Variants in CYFIP2 observed in about 807,000 individuals in gnomAD.
The protein encoded by CYFIP2 is cytoplasmic FMR1 interacting protein 2, also known as cytoplasmic FMR1-interacting protein 2.
Under a neutral mutation model 158.7 loss-of-function variants are expected in CYFIP2, and 29 were observed. The observed-to-expected ratio is 0.18, with a 90% CI of 0.14 to 0.25. The LOEUF is 0.25. Ranked by LOEUF, CYFIP2 falls within the 10% of genes least tolerant of loss-of-function variation. The pLI, the probability that CYFIP2 is intolerant of heterozygous loss-of-function variation, is 1.00. For synonymous variants in CYFIP2, 585 were observed against 617.6 expected (o/e 0.95, Z 0.78); for missense variants, 852 against 1,639.5 (o/e 0.52, Z 8.29).
chr5:157,291,507 G>A (rs940549217), intron 3 of CYFIP2, among the ~76,000 whole-genome samples: 4 of 152,222 alleles, frequency 2.6e-5, no homozygotes, highest in Admixed American at 2.6e-4. Flanking sequence ...ACCCATGAGT[G>A]CCCAGTTAAA....
intron 19 of CYFIP2, among the ~76,000 whole-genome samples, chr5:157,329,058 C>T (rs6866983): frequency 0.36 from 54,203 of 152,158 alleles, 11,466 homozygotes; most frequent in African/African-American, 0.6. Flanking sequence ...GGATTTGCTT[C>T]ATTTTGCTTT....
At position 157,361,281 on chromosome 5, in the gene CYFIP2, T is replaced by A; in HGVS notation, c.2909-187T>A. The A allele has an allele frequency of 1.6e-6, 1 of 612,112 alleles. No individual in the cohort carries two copies. The allele number at this position is 612,112 out of a possible 1,614,324, so 37.9% of individuals were successfully genotyped here. A position where few individuals can be genotyped will look rare whatever the true frequency, so the allele number is the denominator to read the frequency against. On this transcript the variant is annotated intron_variant, in intron 25 of 30. Transcript: ENST00000620254. The surrounding 1 kb of genome is among the most constrained non-coding windows in gnomAD (Gnocchi z 4.4). ...TGTTCTGAAAAAGACATGAGCCAGC[T>A]ACTCGAACTTTGTCCAGTACTGAGC...
At chr5:157,334,614 T>A (rs1250887291) in intron 21 of CYFIP2, among the ~76,000 whole-genome samples, 1 of 152,120 alleles carries the variant, frequency 6.6e-6, no homozygotes, top group African/African-American at 2.4e-5. Flanking sequence ...TATCAACATA[T>A]ATTCTTGCCA....
chr5:157,350,909 T>A (rs1235257825), intron 23 of CYFIP2, among the ~76,000 whole-genome samples: 1 of 152,224 alleles, frequency 6.6e-6, no homozygotes, highest in Admixed American at 6.5e-5. Flanking sequence ...GGGGTTGAGT[T>A]CTTGATTTGA....
intron 1 of CYFIP2, among the ~76,000 whole-genome samples, chr5:157,271,958 G>C (rs1036910071): frequency 6.6e-6 from 1 of 152,210 alleles, no homozygotes; most frequent in Non-Finnish European, 1.5e-5. Flanking sequence ...CAGGGCCCCA[G>C]CAGGAGCAAA....
chr5:157,338,583 C>T (rs367679177), intron 21 of CYFIP2, among the ~76,000 whole-genome samples: 1 of 152,216 alleles, frequency 6.6e-6, no homozygotes, highest in African/African-American at 2.4e-5. Context: ...ACATATAAAA[C>T]TGGCACATAC....
intron 26 of CYFIP2, among the ~76,000 whole-genome samples, chr5:157,379,610 A>T (rs1051704135): frequency 7.2e-6 from 1 of 139,302 alleles, no homozygotes; most frequent in Non-Finnish European, 1.5e-5. Flanking sequence ...GGTCAAGACT[A>T]GTGAGCCATG....
Position 157,314,352 on chromosome 5 carries a change from G to A in CYFIP2, c.1119G>A (p.Thr373=), listed in dbSNP as rs776039764. The part of the protein sequence containing the change: ...LARYSNSEVV[T]GSGLDSQKSD... ...CACCTGATGCTCCCCAGGTGGTGAC[G>A]GGCTCAGGGCTGGACAGCCAGAAGT... The change falls in exon 12 of 31, where the codon ACG becomes ACA. Residue 373 remains threonine (T), a synonymous_variant. Transcript: ENST00000620254. 2.0e-5 allele frequency: 32 copies of A among 1,613,470 alleles called. No individual in the cohort carries two copies. The highest frequency in any genetic ancestry group is 8.0e-5 in the African/African-American group (6 of 74,888).
At chr5:157,367,951 T>G (rs1764581021) in intron 26 of CYFIP2, among the ~76,000 whole-genome samples, 1 of 151,948 alleles carries the variant, frequency 6.6e-6, no homozygotes, top group Non-Finnish European at 1.5e-5. Context: ...AGAGATGAGG[T>G]TTCACCATGT....
chr5:157,365,666 C>G (rs943900730), intron 26 of CYFIP2, among the ~76,000 whole-genome samples: 1 of 151,844 alleles, frequency 6.6e-6, no homozygotes, highest in Non-Finnish European at 1.5e-5. Context: ...ATGGTTCTTT[C>G]ATGCCCTCTT....
chr5:157,343,103 C>G, intron 23 of CYFIP2: 1 of 1,614,188 alleles, frequency 6.2e-7, no homozygotes, highest in Non-Finnish European at 8.5e-7. Context: ...CCTGTAAGAC[C>G]ATCGCGGCTC....
intron 1 of CYFIP2, among the ~76,000 whole-genome samples, chr5:157,269,775 G>A (rs1252317828): frequency 6.6e-6 from 1 of 152,348 alleles, no homozygotes; most frequent in African/African-American, 2.4e-5. Context: ...GAAGCTTAAA[G>A]GCACTTTGTG....
chr5:157,300,674 G>A lies in CYFIP2; in HGVS notation c.388-41G>A, dbSNP rs115955190. On this transcript the variant is annotated intron_variant, in intron 5 of 30. Coordinates refer to ENST00000620254, the MANE Select transcript of CYFIP2 (RefSeq NM_001037333.3). ...AGGAGCCTGGACCCTGCCCCCATAA[G>A]GGAGCACAGTGGACCTTACTCACTG... 73 of 1,446,126 alleles carry A rather than the reference G, an allele frequency of 5.0e-5. No individual in the cohort carries two copies. In the African/African-American group the frequency reaches 9.6e-4, roughly 19 times the overall value. The allele number at this position is 1,446,126 out of a possible 1,614,324, so 89.6% of individuals were successfully genotyped here. A position where few individuals can be genotyped will look rare whatever the true frequency, so the allele number is the denominator to read the frequency against.
Position 157,319,842 on chromosome 5 carries a change from C to T in CYFIP2, c.1437C>T (p.Ile479=). 6.2e-7 allele frequency: 1 copy of T among 1,614,142 alleles called. No individual in the cohort carries two copies. The highest frequency in any genetic ancestry group is 1.1e-5 in the South Asian group (1 of 91,092). Residue 479 remains isoleucine (I), a synonymous_variant, in exon 14 of 31, where the codon ATC becomes ATT. Transcript: ENST00000620254. The stretch of plus-strand genomic sequence containing the variant: ...TCAACCAGGCCATCAGGAACACCAT[C>T]TACGCGGCATTGCAGGACTTCGCCC... ...SVFNQAIRNT[I]YAALQDFAQV...
At chr5:157,389,114 C>T (rs375345375) in intron 28 of CYFIP2, 75 bp from the exon 29 acceptor site, 35 of 1,419,130 alleles carry the variant, frequency 2.5e-5, no homozygotes, top group African/African-American at 2.8e-5. Flanking sequence ...CTCCAGAGTT[C>T]GGGAATCTGT....
At chr5:157,288,617 T>G in intron 3 of CYFIP2, 1 of 456,200 alleles carries the variant, frequency 2.2e-6, no homozygotes, top group South Asian at 1.5e-5. Flanking sequence ...TACAGATATT[T>G]TAGATGCATT....
chr5:157,367,945 A>T (rs1764579440), intron 26 of CYFIP2, among the ~76,000 whole-genome samples: 1 of 151,970 alleles, frequency 6.6e-6, no homozygotes, highest in Admixed American at 6.6e-5. Flanking sequence ...AGTAGAAGAG[A>T]TGAGGTTTCA....
intron 26 of CYFIP2, chr5:157,364,308 G>C (rs747546319): frequency 6.6e-6 from 1 of 151,590 alleles, no homozygotes; most frequent in Non-Finnish European, 1.5e-5. Flanking sequence ...AGCTTCCCCT[G>C]TTCAGAATCC....
At chr5:157,307,150 A>T (rs543226709) in intron 8 of CYFIP2, among the ~76,000 whole-genome samples, 87 of 152,206 alleles carry the variant, frequency 5.7e-4, no homozygotes, top group Admixed American at 1.2e-3. Flanking sequence ...GATTTTTTTT[A>T]AAAAATTAAA....
Sources: allele counts gnomAD v4.1 joint callset (sites outside exome capture counted in the v4.1 genomes callset), GRCh38; gene constraint gnomAD v4.1.1; non-coding constraint Gnocchi (gnomAD v3.1); transcripts MANE v1.5; gene names NCBI Gene and HGNC (gene_info 2026-07-23, HGNC 2026-07-21).